RHPN2: variants seen among roughly 807,000 people sequenced by gnomAD.
RHPN2 encodes the protein rhophilin-2.
A neutral mutation model predicts 79.0 loss-of-function variants in RHPN2; 40 were observed. The observed-to-expected ratio is 0.51, with a 90% CI of 0.39 to 0.66. The LOEUF is 0.66. RHPN2 is among the 30% of genes least tolerant of loss of function. The pLI is 0.00. For missense variants in RHPN2, 686 were observed against 883.5 expected (o/e 0.78, Z 2.83); for synonymous variants, 285 against 363.5 (o/e 0.78, Z 2.46).
Position 33,002,998 on chromosome 19 carries a change from C to T in RHPN2, c.763G>A (p.Val255Ile), listed in dbSNP as rs1441259720. The part of the protein sequence containing the change: ...AIDAFQRAAG[V>I]LNYLKDTFTH... ...AATGTGTCTTTCAGGTAATTTAAAA[C>T]CCCTAAAAGTGGAAAATGTTTTGCC... Residue 255 changes from valine (V) to isoleucine (I), a missense_variant and splice_region_variant, in exon 8 of 15, where the codon GTT becomes ATT. By Grantham distance (29) the Val-to-Ile change is conservative. Transcript: ENST00000254260. The T allele has an allele frequency of 1.9e-6, 3 of 1,613,512 alleles. No individual in the cohort carries two copies. Among genetic ancestry groups the T allele is most frequent in the Non-Finnish European group, 2.5e-6 (3 of 1,179,694 alleles).
chr19:33,062,240 C>G (rs1429114889), intron 1 of RHPN2, among the ~76,000 whole-genome samples: 2 of 152,148 alleles, frequency 1.3e-5, no homozygotes, highest in Non-Finnish European at 2.9e-5. Flanking sequence ...GTGGGTGGAT[C>G]ACCTGAGGTC....
chr19:33,010,751 G>A (rs990177334), intron 6 of RHPN2, among the ~76,000 whole-genome samples: 7 of 151,078 alleles, frequency 4.6e-5, no homozygotes, highest in East Asian at 2.0e-4. Context: ...GTGTGATCTC[G>A]GTTCACTGCA....
chr19:33,064,584 C>T (rs941536524), intron 1 of RHPN2, among the ~76,000 whole-genome samples, 200 bp downstream of exon 1: 1 of 152,120 alleles, frequency 6.6e-6, no homozygotes, highest in Non-Finnish European at 1.5e-5. Flanking sequence ...GTCCCGGATG[C>T]CACCTGCCCG....
intron 2 of RHPN2, among the ~76,000 whole-genome samples, chr19:33,036,872 C>CCG (rs1972061383): frequency 2.1e-5 from 3 of 143,468 alleles, no homozygotes; most frequent in African/African-American, 8.2e-5. Flanking sequence ...ATGCCTGAGC[C>CCG]CCCCCGCCAC....
chr19:33,024,990 G>A lies in RHPN2; in HGVS notation c.314+1514C>T, dbSNP rs369560467. 1.3e-4 allele frequency among the ~76,000 whole-genome samples: 20 copies of A among 152,084 alleles called. No individual in the cohort carries two copies. In the East Asian group the frequency reaches 1.7e-3, roughly 13 times the overall value. ...TGGCCTTGAACTCCTGGGCTCAAGC[G>A]ATCCCCCACCTCAGCCTCCTGAAGA... is the stretch of plus-strand genomic sequence containing the variant. On this transcript the variant is annotated intron_variant, in intron 3 of 14. Transcript: ENST00000254260.
intron 13 of RHPN2, 151 bp downstream of exon 13, chr19:32,991,672 A>C: frequency 1.3e-5 from 12 of 942,350 alleles, no homozygotes; most frequent in Non-Finnish European, 2.0e-5. Context: ...AACAAAAGAA[A>C]GACAGTAAAA....
chr19:33,048,964 GT>G (rs564855575), intron 1 of RHPN2, among the ~76,000 whole-genome samples: 7 of 150,366 alleles, frequency 4.7e-5, no homozygotes, highest in South Asian at 2.1e-4. Flanking sequence ...GGATAAGAAT[GT>G]TTTTTTTTCT....
chr19:32,996,972 C>T (rs13346755), intron 10 of RHPN2, among the ~76,000 whole-genome samples: 28,360 of 152,046 alleles, frequency 0.19, 2,875 homozygotes, highest in Non-Finnish European at 0.22. Context: ...CATGGCTTAC[C>T]GCAGCCTCAA....
At chr19:32,992,564 T>G (rs1232556193) in intron 12 of RHPN2, among the ~76,000 whole-genome samples, 1 of 152,112 alleles carries the variant, frequency 6.6e-6, no homozygotes, top group Non-Finnish European at 1.5e-5. Context: ...TCCTAAGCAC[T>G]TTGTGTGACC....
intron 12 of RHPN2, 60 bp downstream of exon 12, chr19:32,993,917 C>T (rs2146003916): frequency 7.8e-7 from 1 of 1,282,712 alleles, no homozygotes; most frequent in Non-Finnish European, 1.1e-6. Context: ...AGACACCATA[C>T]TCGCCAAAGT....
At chr19:33,051,181 A>G (rs1972183463) in intron 1 of RHPN2, among the ~76,000 whole-genome samples, 1 of 152,158 alleles carries the variant, frequency 6.6e-6, no homozygotes, top group Admixed American at 6.6e-5. Context: ...TAGTAGACAC[A>G]GGGTTTTGCC....
intron 14 of RHPN2, among the ~76,000 whole-genome samples, chr19:32,985,497 T>C (rs1357398884): frequency 6.6e-6 from 1 of 152,010 alleles, no homozygotes; most frequent in Admixed American, 6.6e-5. Flanking sequence ...ATTAGCTGGG[T>C]ATGGTGTTCC....
rs140746349 is a variant in RHPN2, at chr19:33,022,552, C to T, written c.315-906G>A. 7.5e-3 allele frequency among the ~76,000 whole-genome samples: 1,139 copies of T among 152,256 alleles called. 13 individuals are homozygous for T. The highest frequency in any genetic ancestry group is 0.026 in the African/African-American group (1,060 of 41,550). On this transcript the variant is annotated intron_variant, in intron 3 of 14. Coordinates refer to ENST00000254260, the MANE Select transcript of RHPN2 (RefSeq NM_033103.5). ...TCTGACACCGAAATGCACCTGCCTCCCAGCCCAGGGTCAGACACCCTCCAC... is the reference window on the plus strand; with the variant it reads ...TCTGACACCGAAATGCACCTGCCTCTCAGCCCAGGGTCAGACACCCTCCAC...
intron 7 of RHPN2, among the ~76,000 whole-genome samples, chr19:33,003,764 G>A (rs1190813919): frequency 6.6e-6 from 1 of 152,280 alleles, no homozygotes; most frequent in Non-Finnish European, 1.5e-5. Context: ...TAAGGTACCC[G>A]GAATAGTCAA....
At chr19:33,016,311 A>C (rs1259005808) in intron 4 of RHPN2, among the ~76,000 whole-genome samples, 1 of 151,986 alleles carries the variant, frequency 6.6e-6, no homozygotes, top group African/African-American at 2.4e-5. Context: ...TCTTGGGCTC[A>C]AGCAATCCAC....
chr19:32,995,997 A>G, intron 11 of RHPN2, 29 bp downstream of exon 11: 1 of 1,612,998 alleles, frequency 6.2e-7, no homozygotes, highest in Non-Finnish European at 8.5e-7. Context: ...AGGCACCCCC[A>G]CAGAGGGAAC....
chr19:32,980,223 G>C lies in RHPN2; in HGVS notation c.1834C>G (p.Gln612Glu). Residue 612 changes from glutamine to glutamate, a missense_variant, in exon 15 of 15, where the codon CAG (glutamine) becomes GAG (glutamate). Gln to Glu is a conservative substitution (Grantham distance 29). Transcript: ENST00000254260. The stretch of plus-strand genomic sequence containing the variant: ...AAGCAGATCATGGAGTACGTTTTCT[G>C]CATTCCCACGGAGTATGTGGCACTC... ...NKSATYSVGMQKTYSMICLAI... is the reference protein window; with the variant it reads ...NKSATYSVGMEKTYSMICLAI... 1 of 1,613,866 alleles carries C rather than the reference G, an allele frequency of 6.2e-7. No individual in the cohort carries two copies. The highest frequency in any genetic ancestry group is 8.5e-7 in the Non-Finnish European group (1 of 1,179,826).
At chr19:33,006,770 G>A (rs1971794961) in intron 7 of RHPN2, among the ~76,000 whole-genome samples, 1 of 152,232 alleles carries the variant, frequency 6.6e-6, no homozygotes, top group Non-Finnish European at 1.5e-5. Flanking sequence ...ATAGGTGTAA[G>A]CACTAGGCTG....
intron 1 of RHPN2, among the ~76,000 whole-genome samples, chr19:33,048,112 G>A (rs1006418424): frequency 1.3e-5 from 2 of 151,982 alleles, no homozygotes; most frequent in Non-Finnish European, 2.9e-5. Flanking sequence ...CTGGAGTGCA[G>A]TGGTACGATC....
Sources: gnomAD v4.1 joint callset for allele counts (sites outside exome capture counted in the v4.1 genomes callset) on GRCh38, gnomAD v4.1.1 for gene constraint, MANE v1.5 for transcripts, NCBI Gene and HGNC (gene_info 2026-07-23, HGNC 2026-07-21) for gene names.